Variants in KCNIP1 observed in about 807,000 individuals in gnomAD.
KCNIP1 encodes the protein potassium voltage-gated channel interacting protein 1.
A neutral mutation model predicts 33.0 loss-of-function variants in KCNIP1; 18 were observed. The ratio of observed to expected loss-of-function variants is 0.55; its 90% CI spans 0.38 to 0.81. The LOEUF (loss-of-function observed/expected upper bound fraction) is 0.81, where lower values mean the gene tolerates loss of function less well. Among genes scored for constraint, KCNIP1 ranks in the 30% least tolerant of loss-of-function variants. KCNIP1 has a pLI of 0.00. For missense variants in KCNIP1, 238 were observed against 271.6 expected, an observed-to-expected ratio of 0.88 and a Z score of 0.87; for synonymous variants, 93 against 98.3, an observed-to-expected ratio of 0.95 and a Z score of 0.32.
intron 1 of KCNIP1, among the ~76,000 whole-genome samples, chr5:170,586,975 T>C (rs1330643449): frequency 1.3e-5 from 2 of 152,148 alleles, no homozygotes; most frequent in African/African-American, 2.4e-5. Context: ...GGAAGACAGA[T>C]ATATAGGCAA....
intron 1 of KCNIP1, among the ~76,000 whole-genome samples, chr5:170,400,398 AT>A (rs1424357678): frequency 1.3e-5 from 2 of 152,238 alleles, no homozygotes; most frequent in East Asian, 3.9e-4. Flanking sequence ...AGACCATCAG[AT>A]CTCATGAGAA....
At chr5:170,508,741 C>T (rs1581254075) in intron 1 of KCNIP1, among the ~76,000 whole-genome samples, 1 of 152,192 alleles carries the variant, frequency 6.6e-6, no homozygotes, top group Non-Finnish European at 1.5e-5. Context: ...AGTTAAAATT[C>T]CACCGACATT....
intron 3 of KCNIP1, 83 bp from the exon 4 acceptor site, chr5:170,721,750 T>C (rs780975877): frequency 6.2e-7 from 1 of 1,614,148 alleles, no homozygotes; most frequent in South Asian, 1.1e-5. Context: ...CTCTCTTTCT[T>C]GTCGAAGCCC....
At chr5:170,395,106 A>G (rs1251943827) in intron 1 of KCNIP1, among the ~76,000 whole-genome samples, 4 of 152,230 alleles carry the variant, frequency 2.6e-5, no homozygotes, top group Non-Finnish European at 2.9e-5. Flanking sequence ...TCCTTTGTGT[A>G]TGCATCCAGC....
chr5:170,618,560 A>AGGGAGGGG, intron 1 of KCNIP1, among the ~76,000 whole-genome samples: 1 of 11,236 alleles, frequency 8.9e-5, no homozygotes, highest in Non-Finnish European at 1.7e-4. Context: ...GGAGGGAGGG[A>AGGGAGGGG]GGGAGGGAGG....
chr5:170,551,926 G>T (rs561790126), intron 1 of KCNIP1, among the ~76,000 whole-genome samples: 1 of 151,658 alleles, frequency 6.6e-6, no homozygotes, highest in Non-Finnish European at 1.5e-5. Context: ...ATGAGTACAC[G>T]TATGAATGTG....
chr5:170,620,997 CA>C (rs1447901696), intron 1 of KCNIP1, among the ~76,000 whole-genome samples: 8 of 152,146 alleles, frequency 5.3e-5, no homozygotes, highest in Non-Finnish European at 7.3e-5. Context: ...CATCACTGGT[CA>C]CACTGGGAAG....
rs985315032 is a variant in KCNIP1 at position 170,504,847 on chromosome 5, G to A, written c.61+214G>A. 2.6e-5 allele frequency among the ~76,000 whole-genome samples: 4 copies of A among 152,182 alleles called. No homozygotes were observed. Among genetic ancestry groups the A allele is most frequent in the African/African-American group, 9.7e-5 (4 of 41,448 alleles). On this transcript the variant is annotated intron_variant, in intron 1 of 7. Transcript: ENST00000328939. The surrounding 1 kb of genome is among the most constrained non-coding windows in gnomAD (Gnocchi z 6.0). ...GTGGACGTCTGCCCCAGCGGCAACT[G>A]GACCCCTCTGGGGCACCAGGTGTCG...
intron 1 of KCNIP1, among the ~76,000 whole-genome samples, chr5:170,581,352 C>G (rs930249991): frequency 3.9e-5 from 6 of 152,246 alleles, no homozygotes; most frequent in African/African-American, 1.4e-4. Flanking sequence ...ACTTCCTACA[C>G]CACCTGGATC....
At chr5:170,584,422 C>G (rs564551971) in intron 1 of KCNIP1, among the ~76,000 whole-genome samples, 1 of 152,240 alleles carries the variant, frequency 6.6e-6, no homozygotes, top group South Asian at 2.1e-4. Context: ...GAGATAAGAA[C>G]GGCAGGGGAG....
At chr5:170,501,761 G>GT (rs1757417768), upstream of KCNIP1, among the ~76,000 whole-genome samples, 1 of 152,232 alleles carries the variant, frequency 6.6e-6, no homozygotes, top group Admixed American at 6.5e-5. Flanking sequence ...AAGACACCCA[G>GT]GGTGGCTTAA....
chr5:170,476,097 A>G (rs1756852096), intron 1 of KCNIP1, among the ~76,000 whole-genome samples: 1 of 151,838 alleles, frequency 6.6e-6, no homozygotes, highest in Admixed American at 6.6e-5. Flanking sequence ...CAGCCTCCTG[A>G]CTAGCTGTGA....
At chr5:170,393,521 C>G (rs1055425194) in intron 1 of KCNIP1, among the ~76,000 whole-genome samples, 2 of 152,202 alleles carry the variant, frequency 1.3e-5, no homozygotes, top group African/African-American at 4.8e-5. Context: ...GGTCCCTTCA[C>G]TGCAGAAAAG....
intron 1 of KCNIP1, among the ~76,000 whole-genome samples, chr5:170,696,284 G>A (rs1040995159): frequency 4.6e-5 from 7 of 152,106 alleles, no homozygotes; most frequent in Non-Finnish European, 1.0e-4. Context: ...CATTCCTGCT[G>A]AACAGAGGAT....
intron 1 of KCNIP1, among the ~76,000 whole-genome samples, chr5:170,605,767 GTTCT>G (rs1260481197): frequency 3.9e-5 from 5 of 127,072 alleles, no homozygotes; most frequent in African/African-American, 1.5e-4. Flanking sequence ...CTTCAACCCT[GTTCT>G]TTTTTTTTTT....
intron 1 of KCNIP1, among the ~76,000 whole-genome samples, chr5:170,640,437 A>T (rs1229668247): frequency 6.6e-6 from 1 of 152,236 alleles, no homozygotes; most frequent in African/African-American, 2.4e-5. Context: ...CTTGAATTGC[A>T]GGTGAATATC....
At chr5:170,576,944 G>A (rs926863294) in intron 1 of KCNIP1, among the ~76,000 whole-genome samples, 6 of 152,156 alleles carry the variant, frequency 3.9e-5, no homozygotes, top group African/African-American at 4.8e-5. Flanking sequence ...TTTCAAAGGC[G>A]GGAGCTGCTG....
At chr5:170,671,179 C>T (rs1761907616) in intron 1 of KCNIP1, among the ~76,000 whole-genome samples, 2 of 152,152 alleles carry the variant, frequency 1.3e-5, no homozygotes, top group South Asian at 4.1e-4. Flanking sequence ...TTTCTTAAAA[C>T]CCATTGTGGC....
At chr5:170,503,647 G>C (rs2113230645), upstream of KCNIP1, among the ~76,000 whole-genome samples, 1 of 151,170 alleles carries the variant, frequency 6.6e-6, no homozygotes, top group African/African-American at 2.4e-5. Flanking sequence ...GGTTAAATAA[G>C]ATTTCCCTTG....
Sources: allele counts gnomAD v4.1 joint callset (sites outside exome capture counted in the v4.1 genomes callset), GRCh38; gene constraint gnomAD v4.1.1; non-coding constraint Gnocchi (gnomAD v3.1); transcripts MANE v1.5; gene names NCBI Gene and HGNC (gene_info 2026-07-23, HGNC 2026-07-21).